Variants in CTNND2 observed in about 807,000 individuals in gnomAD.
CTNND2 encodes the protein catenin delta-2.
Under a neutral mutation model 144.4 loss-of-function variants are expected in CTNND2, and 22 were observed. The observed-to-expected ratio is 0.15, with a 90% CI of 0.11 to 0.22. CTNND2 has a LOEUF of 0.22. CTNND2 is among the 10% of genes least tolerant of loss of function. The pLI is 1.00. For missense variants in CTNND2, 1,353 were observed against 1,618.8 expected (o/e 0.84, Z 2.82); for synonymous variants, 751 against 695.6 (o/e 1.08, Z -1.25).
intron 9 of CTNND2, among the ~76,000 whole-genome samples, chr5:11,305,612 A>T (rs1247733963): frequency 6.6e-6 from 1 of 152,202 alleles, no homozygotes; most frequent in East Asian, 1.9e-4. Flanking sequence ...GTCTGCTATG[A>T]GCCAGGTGCA....
intron 3 of CTNND2, among the ~76,000 whole-genome samples, chr5:11,430,678 A>C (rs534009519): frequency 2.0e-5 from 3 of 152,328 alleles, no homozygotes; most frequent in East Asian, 3.9e-4. Context: ...CTGTTTAATT[A>C]ACATACTCAT....
intron 3 of CTNND2, among the ~76,000 whole-genome samples, chr5:11,415,730 A>G (rs1439384952): frequency 1.3e-5 from 2 of 152,172 alleles, no homozygotes; most frequent in Non-Finnish European, 1.5e-5. Context: ...AGTACTCAGT[A>G]AAGTCCAGCA....
intron 2 of CTNND2, among the ~76,000 whole-genome samples, chr5:11,582,843 A>C (rs966004376): frequency 1.3e-5 from 2 of 152,210 alleles, no homozygotes; most frequent in Non-Finnish European, 2.9e-5. Context: ...TTTTCTTAGA[A>C]TCATACAATT....
chr5:11,512,560 C>A (rs1361025468), intron 3 of CTNND2, among the ~76,000 whole-genome samples: 1 of 152,154 alleles, frequency 6.6e-6, no homozygotes, highest in Non-Finnish European at 1.5e-5. Flanking sequence ...CTGAAAGTCA[C>A]CACCTCCTTT....
chr5:11,341,180 A>G (rs1398103449), intron 9 of CTNND2, among the ~76,000 whole-genome samples: 1 of 152,218 alleles, frequency 6.6e-6, no homozygotes, highest in Non-Finnish European at 1.5e-5. Flanking sequence ...AGGTGCAGGA[A>G]CTGTCTCCCA....
chr5:11,170,118 G>A (rs1247283849), intron 11 of CTNND2, among the ~76,000 whole-genome samples: 1 of 152,178 alleles, frequency 6.6e-6, no homozygotes, highest in African/African-American at 2.4e-5. Flanking sequence ...ACCTGTCAAA[G>A]TCATTCAACT....
intron 2 of CTNND2, among the ~76,000 whole-genome samples, chr5:11,662,244 C>CATATATGTGTATATATGTATATATATAA (rs1783297172): frequency 7.9e-6 from 1 of 125,996 alleles, no homozygotes; most frequent in African/African-American, 3.5e-5. Flanking sequence ...TATATATATA[C>CATATATGTGTATATATGTATATATATAA]ATATATGTGT....
At chr5:11,445,264 G>A (rs1206171504) in intron 3 of CTNND2, among the ~76,000 whole-genome samples, 1 of 152,084 alleles carries the variant, frequency 6.6e-6, no homozygotes, top group Non-Finnish European at 1.5e-5. Flanking sequence ...TCCTCTGTGT[G>A]TCCAGGTGTC....
chr5:11,763,701 T>G (rs969394881), intron 1 of CTNND2, among the ~76,000 whole-genome samples: 13 of 152,228 alleles, frequency 8.5e-5, no homozygotes, highest in Non-Finnish European at 1.5e-5. Context: ...TCTCATTGAA[T>G]GGAGAAACAT....
At chr5:11,861,360 C>T (rs1795496261) in intron 1 of CTNND2, among the ~76,000 whole-genome samples, 1 of 152,120 alleles carries the variant, frequency 6.6e-6, no homozygotes, top group Admixed American at 6.5e-5. Flanking sequence ...TGAACCTCTC[C>T]CACCCAAACT....
At chr5:11,243,708 G>A (rs1400187633) in intron 9 of CTNND2, among the ~76,000 whole-genome samples, 4 of 152,082 alleles carry the variant, frequency 2.6e-5, no homozygotes, top group South Asian at 4.2e-4. Context: ...AAATCAAAAC[G>A]CTCAGCACAG....
At chr5:11,154,602 C>T (rs1311253168) in intron 12 of CTNND2, among the ~76,000 whole-genome samples, 1 of 152,174 alleles carries the variant, frequency 6.6e-6, no homozygotes, top group African/African-American at 2.4e-5. Flanking sequence ...CCTTGGCTTC[C>T]TAGCTTAGCA....
intron 3 of CTNND2, among the ~76,000 whole-genome samples, chr5:11,457,097 C>T (rs1029532137): frequency 1.2e-4 from 19 of 152,062 alleles, no homozygotes; most frequent in Non-Finnish European, 1.0e-4. Flanking sequence ...TTATTTATTT[C>T]TTTTTTATAA....
chr5:11,134,665 C>T (rs191920232), intron 12 of CTNND2, among the ~76,000 whole-genome samples: 15 of 152,244 alleles, frequency 9.9e-5, no homozygotes, highest in African/African-American at 3.1e-4. Flanking sequence ...AATGACAAGA[C>T]GAGATGTAGT....
At chr5:11,025,118 T>G (rs1177639191) in intron 16 of CTNND2, among the ~76,000 whole-genome samples, 1 of 152,230 alleles carries the variant, frequency 6.6e-6, no homozygotes, top group Non-Finnish European at 1.5e-5. Context: ...GATTTTTCAT[T>G]AAGTCTATTT....
chr5:11,174,420 G>T (rs1327037731), intron 11 of CTNND2, among the ~76,000 whole-genome samples: 1 of 152,208 alleles, frequency 6.6e-6, no homozygotes, highest in Non-Finnish European at 1.5e-5. Flanking sequence ...AGAAAAAGCA[G>T]TGTAAAAAAA....
At chr5:11,678,647 A>C (rs186498714) in intron 2 of CTNND2, among the ~76,000 whole-genome samples, 2 of 152,344 alleles carry the variant, frequency 1.3e-5, no homozygotes, top group East Asian at 3.9e-4. Flanking sequence ...CATCTCACAC[A>C]AATTAATCTA....
chr5:11,834,448 GGTAA>G (rs1185141386), intron 1 of CTNND2, among the ~76,000 whole-genome samples: 3 of 152,064 alleles, frequency 2.0e-5, no homozygotes, highest in African/African-American at 4.8e-5. Context: ...ACCAAAAAAT[GGTAA>G]GTATGTGAGG....
At chr5:11,188,098 C>A (rs61751822) in intron 11 of CTNND2, among the ~76,000 whole-genome samples, 15 of 152,218 alleles carry the variant, frequency 9.9e-5, no homozygotes, top group African/African-American at 2.6e-4. Context: ...AATCCCATTA[C>A]TAAGTATATA....
Sources: allele counts gnomAD v4.1 joint callset (sites outside exome capture counted in the v4.1 genomes callset), GRCh38; gene constraint gnomAD v4.1.1; transcripts MANE v1.5; gene names NCBI Gene and HGNC (gene_info 2026-07-23, HGNC 2026-07-21).